The following AMOTL1 variants were observed in gnomAD, a reference collection of about 807,000 sequenced individuals.
The protein encoded by AMOTL1 is angiomotin like 1.
AMOTL1 carries 45 observed loss-of-function variants against 102.9 expected under a neutral mutation model. That is an observed-to-expected ratio of 0.44 (90% CI 0.34 to 0.56). The LOEUF (loss-of-function observed/expected upper bound fraction) is 0.56. Ranked by LOEUF, AMOTL1 falls within the 20% of genes least tolerant of loss-of-function variation. The pLI is 0.01. For synonymous variants in AMOTL1, 481 were observed against 484.7 expected (o/e 0.99, Z 0.10); for missense variants, 1,114 against 1,225.6 (o/e 0.91, Z 1.36).
chr11:94,814,961 A>G (rs1213370688), intron 3 of AMOTL1, among the ~76,000 whole-genome samples: 1 of 152,216 alleles, frequency 6.6e-6, no homozygotes, highest in Non-Finnish European at 1.5e-5. Context: ...ATTCATGAGA[A>G]GCCTGGTAAA....
At chr11:94,830,677 A>G (rs1952051740) in intron 5 of AMOTL1, among the ~76,000 whole-genome samples, 2 of 152,234 alleles carry the variant, frequency 1.3e-5, no homozygotes, top group Admixed American at 1.3e-4. Context: ...CACAGTTGTG[A>G]AATAAGTAGA....
At chr11:94,742,297 G>C (rs1950538425) in intron 3 of AMOTL1, among the ~76,000 whole-genome samples, 1 of 152,250 alleles carries the variant, frequency 6.6e-6, no homozygotes, top group South Asian at 2.1e-4. Context: ...GGTACTCGAT[G>C]ATCTGCTCCA....
chr11:94,842,911 A>G (rs1221814890), intron 6 of AMOTL1, among the ~76,000 whole-genome samples: 2 of 152,076 alleles, frequency 1.3e-5, no homozygotes, highest in Non-Finnish European at 2.9e-5. Context: ...TCCTTATTAC[A>G]TAACTCATTT....
chr11:94,858,722 TCTG>T (rs1413823117), intron 8 of AMOTL1, among the ~76,000 whole-genome samples: 1 of 152,214 alleles, frequency 6.6e-6, no homozygotes, highest in Non-Finnish European at 1.5e-5. Context: ...ATAACTTATC[TCTG>T]CTGCTGCTCT....
At chr11:94,732,454 AAAAATATTCCCAGTG>A (rs1417484617) in intron 2 of AMOTL1, among the ~76,000 whole-genome samples, 1 of 152,180 alleles carries the variant, frequency 6.6e-6, no homozygotes, top group East Asian at 1.9e-4. Context: ...TGACACTCCT[AAAAATATTCCCAGTG>A]ATCTGGGCCA....
intron 3 of AMOTL1, among the ~76,000 whole-genome samples, chr11:94,742,700 G>A (rs891893946): frequency 6.6e-6 from 1 of 152,156 alleles, no homozygotes; most frequent in Non-Finnish European, 1.5e-5. Context: ...CATTTGTGTT[G>A]TTATATCAAA....
rs1191055692 is a variant in AMOTL1, at chr11:94,874,791, T to A, written c.*3996T>A. On this transcript the variant is annotated 3_prime_UTR_variant, in exon 13 of 13. Coordinates refer to ENST00000433060, the MANE Select transcript of AMOTL1 (RefSeq NM_130847.3). Reference sequence around the variant, plus strand: ...GGCTGCGGACCTCAGAAGCAGTGGATAATAGATTGGGGCATTAAAAGCTTT... The same window carrying A: ...GGCTGCGGACCTCAGAAGCAGTGGAAAATAGATTGGGGCATTAAAAGCTTT... 1 of 152,204 alleles carries A rather than the reference T, an allele frequency of 6.6e-6. No homozygotes were observed. The highest frequency in any genetic ancestry group is 1.5e-5 in the Non-Finnish European group (1 of 68,048). 9.4% of individuals were successfully genotyped at this position (152,204 alleles called of 1,614,324 possible). A position where few individuals can be genotyped will look rare whatever the true frequency, so the allele number is the denominator to read the frequency against.
intron 3 of AMOTL1, among the ~76,000 whole-genome samples, chr11:94,754,119 T>A (rs1005821835): frequency 1.3e-5 from 2 of 152,182 alleles, no homozygotes; most frequent in African/African-American, 4.8e-5. Context: ...ATAATATATG[T>A]AGAGTGCCCA....
At chr11:94,863,296 G>A (rs1952810507) in intron 9 of AMOTL1, among the ~76,000 whole-genome samples, 2 of 145,878 alleles carry the variant, frequency 1.4e-5, no homozygotes, top group Non-Finnish European at 3.0e-5. Flanking sequence ...AAAAAAAAAA[G>A]CTTTAAAGTT....
At chr11:94,732,711 C>T (rs1950373459) in intron 2 of AMOTL1, among the ~76,000 whole-genome samples, 1 of 152,198 alleles carries the variant, frequency 6.6e-6, no homozygotes, top group African/African-American at 2.4e-5. Flanking sequence ...TCTTCTTCCT[C>T]TTATAGATGT....
chr11:94,848,415 T>A (rs1408190836), intron 6 of AMOTL1, among the ~76,000 whole-genome samples: 1 of 152,108 alleles, frequency 6.6e-6, no homozygotes, highest in Admixed American at 6.6e-5. Context: ...CATCTTGTTT[T>A]CAGGGATGCC....
chr11:94,834,731 G>A (rs941001879), intron 6 of AMOTL1, among the ~76,000 whole-genome samples: 2 of 152,186 alleles, frequency 1.3e-5, no homozygotes, highest in Admixed American at 1.3e-4. Context: ...TTTTTTGCTA[G>A]GTGTTCGCAC....
chr11:94,803,266 T>C (rs970205695), intron 3 of AMOTL1, among the ~76,000 whole-genome samples: 2 of 152,232 alleles, frequency 1.3e-5, no homozygotes, highest in African/African-American at 4.8e-5. Context: ...ACAAATTCTC[T>C]CACCTGCTCT....
intron 1 of AMOTL1, among the ~76,000 whole-genome samples, chr11:94,779,325 T>G (rs1187151043): frequency 6.6e-6 from 1 of 152,194 alleles, no homozygotes; most frequent in Non-Finnish European, 1.5e-5. Flanking sequence ...CTGCCTTATG[T>G]AACATTTTCT....
intron 1 of AMOTL1, among the ~76,000 whole-genome samples, chr11:94,792,915 CTTAG>C (rs949697345): frequency 6.6e-6 from 1 of 152,096 alleles, no homozygotes; most frequent in African/African-American, 2.4e-5. Flanking sequence ...TAAACCCACT[CTTAG>C]TTAGCAGACC....
intron 1 of AMOTL1, among the ~76,000 whole-genome samples, chr11:94,722,900 C>T (rs1950196564): frequency 6.6e-6 from 1 of 152,080 alleles, no homozygotes; most frequent in African/African-American, 2.4e-5. Context: ...GGTGATTTGT[C>T]CTGAGTCATT....
At chr11:94,834,108 T>C (rs1952125869) in intron 6 of AMOTL1, among the ~76,000 whole-genome samples, 1 of 152,238 alleles carries the variant, frequency 6.6e-6, no homozygotes, top group African/African-American at 2.4e-5. Context: ...TTACTGCCTC[T>C]CTTCCTAGTT....
In AMOTL1 at chr11:94,866,116, C is replaced by T. The variant is rs1300654427; in HGVS notation, c.2436C>T (p.Ser812=). 9 of 1,614,028 alleles carry T rather than the reference C, an allele frequency of 5.6e-6. No individual in the cohort carries two copies. The highest frequency in any genetic ancestry group is 1.6e-4 in the Middle Eastern group (1 of 6,062). ...ACTCTCGCCAGACCTCTCTTACCAG[C>T]AGCCAGCTGGCTGAGGAAAAGAAGG... ...GTHSRQTSLT[S]SQLAEEKKEE... is the part of the protein sequence containing the mutation. The change falls in exon 11 of 13, where the codon AGC becomes AGT. Residue 812 remains serine (S), a synonymous_variant. Coordinates refer to ENST00000433060, the MANE Select transcript of AMOTL1 (RefSeq NM_130847.3).
chr11:94,862,756 T>G (rs1244036601), intron 9 of AMOTL1, among the ~76,000 whole-genome samples: 5 of 152,258 alleles, frequency 3.3e-5, no homozygotes, highest in Admixed American at 2.6e-4. Context: ...AGTAAATTTG[T>G]TGAAAATGTT....
Sources: allele counts gnomAD v4.1 joint callset (sites outside exome capture counted in the v4.1 genomes callset), GRCh38; gene constraint gnomAD v4.1.1; transcripts MANE v1.5; gene names NCBI Gene and HGNC (gene_info 2026-07-23, HGNC 2026-07-21).